Variants in SGCG observed in about 807,000 individuals in gnomAD.
SGCG encodes gamma-sarcoglycan.
Under a neutral mutation model 29.3 loss-of-function variants are expected in SGCG, and 26 were observed. That is an observed-to-expected ratio of 0.89 (90% CI 0.65 to 1.23). The LOEUF (loss-of-function observed/expected upper bound fraction) is 1.23, where lower values mean the gene tolerates loss of function less well. Ranked by LOEUF, SGCG falls within the 50% of genes most tolerant of loss-of-function variation. The probability of loss-of-function intolerance (pLI) is 0.00; values close to 1 mark genes in which losing one functional copy is unlikely to be tolerated. For missense variants in SGCG, 353 were observed against 356.0 expected (o/e 0.99, Z 0.07); for synonymous variants, 145 against 129.7 (o/e 1.12, Z -0.80).
upstream of SGCG, among the ~76,000 whole-genome samples, chr13:23,178,577 T>C (rs1057490706): frequency 6.6e-6 from 1 of 152,198 alleles, no homozygotes; most frequent in Non-Finnish European, 1.5e-5. Context: ...TCCATATATT[T>C]ATAACTTCAT....
At chr13:23,180,683 G>T (rs1876698054), upstream of SGCG, among the ~76,000 whole-genome samples, 1 of 152,184 alleles carries the variant, frequency 6.6e-6, no homozygotes, top group African/African-American at 2.4e-5. Context: ...TTTTAAGAAA[G>T]TTATAATTAC....
At chr13:23,278,994 C>T (rs1263050684) in intron 4 of SGCG, among the ~76,000 whole-genome samples, 2 of 152,158 alleles carry the variant, frequency 1.3e-5, no homozygotes, top group South Asian at 2.1e-4. Flanking sequence ...ACAAATCTCA[C>T]ATTTCAGAAT....
intron 2 of SGCG, among the ~76,000 whole-genome samples, chr13:23,221,753 G>A (rs186855913): frequency 3.3e-5 from 5 of 152,278 alleles, no homozygotes; most frequent in Admixed American, 2.0e-4. Flanking sequence ...GATGATTTGA[G>A]GATGCTGTAT....
At chr13:23,270,321 A>G (rs756609698) in intron 4 of SGCG, among the ~76,000 whole-genome samples, 1 of 152,192 alleles carries the variant, frequency 6.6e-6, no homozygotes, top group Non-Finnish European at 1.5e-5. Context: ...GTAGGAGAGT[A>G]TATTTTCTGA....
chr13:23,234,014 G>A (rs1016374747), intron 2 of SGCG, among the ~76,000 whole-genome samples: 6 of 152,198 alleles, frequency 3.9e-5, no homozygotes, highest in African/African-American at 4.8e-5. Context: ...ACAGCACAGC[G>A]GTCATTGGTG....
intron 2 of SGCG, among the ~76,000 whole-genome samples, chr13:23,232,522 C>G (rs1230382522): frequency 6.6e-6 from 1 of 152,090 alleles, no homozygotes. Context: ...TGGTTGAATT[C>G]AGATGCTTTT....
chr13:23,319,790 A>T (rs905724386), intron 6 of SGCG, among the ~76,000 whole-genome samples: 1 of 152,188 alleles, frequency 6.6e-6, no homozygotes, highest in Non-Finnish European at 1.5e-5. Context: ...GGGGCTGAGC[A>T]GCTGAAAAGT....
intron 2 of SGCG, among the ~76,000 whole-genome samples, chr13:23,205,077 A>T (rs1248765313): frequency 6.6e-6 from 1 of 151,978 alleles, no homozygotes; most frequent in East Asian, 1.9e-4. Context: ...TAAGCTGTTA[A>T]ATTACATATA....
chr13:23,298,376 T>G (rs914542343), intron 6 of SGCG, among the ~76,000 whole-genome samples: 1 of 151,938 alleles, frequency 6.6e-6, no homozygotes, highest in Non-Finnish European at 1.5e-5. Context: ...GAAAAAAAAA[T>G]TGTTATTATA....
At chr13:23,210,417 C>G (rs554842168) in intron 2 of SGCG, among the ~76,000 whole-genome samples, 1 of 151,968 alleles carries the variant, frequency 6.6e-6, no homozygotes, top group Admixed American at 6.6e-5. Context: ...CACGGCTGGG[C>G]GCGGTGGCTC....
chr13:23,299,077 T>G (rs1882017657), intron 6 of SGCG, among the ~76,000 whole-genome samples: 1 of 152,096 alleles, frequency 6.6e-6, no homozygotes, highest in Non-Finnish European at 1.5e-5. Flanking sequence ...ATTGGCAATT[T>G]TATCCCCATT....
intron 7 of SGCG, among the ~76,000 whole-genome samples, chr13:23,323,139 G>A (rs1011754842): frequency 6.6e-6 from 1 of 151,926 alleles, no homozygotes; most frequent in Non-Finnish European, 1.5e-5. Flanking sequence ...CAGCCTGCTA[G>A]TGGAACACAG....
In SGCG at chr13:23,217,224, A is replaced by G. The variant is rs537723356; in HGVS notation, c.195+13335A>G. Among the ~76,000 whole-genome samples, 4 of 152,134 alleles carry G rather than the reference A, an allele frequency of 2.6e-5. No homozygotes were observed. In the South Asian group the frequency reaches 8.3e-4, roughly 32 times the overall value. ...CTATGTTTCCTATTAGTTATTATGC[A>G]TTTGTTATCATACTATAAGCTCTTA... On this transcript the variant is annotated intron_variant, in intron 2 of 7. Coordinates refer to ENST00000218867, the MANE Select transcript of SGCG (RefSeq NM_000231.3).
intron 6 of SGCG, among the ~76,000 whole-genome samples, chr13:23,301,343 A>G (rs1393146401): frequency 6.6e-6 from 1 of 152,216 alleles, no homozygotes; most frequent in East Asian, 1.9e-4. Flanking sequence ...AAATAACAAA[A>G]TAGAAATTAT....
intron 7 of SGCG, among the ~76,000 whole-genome samples, 154 bp from the exon 8 acceptor site, chr13:23,324,214 T>C (rs1187109279): frequency 1.3e-5 from 2 of 152,202 alleles, no homozygotes; most frequent in African/African-American, 4.8e-5. Context: ...TTTAAAAGAA[T>C]CGGATAATTA....
upstream of SGCG, among the ~76,000 whole-genome samples, chr13:23,177,972 T>G (rs150940995): frequency 8.8e-4 from 134 of 152,176 alleles, 1 homozygote; most frequent in African/African-American, 3.2e-3. Flanking sequence ...CCAAGGGCAT[T>G]GTCACTTTTG....
chr13:23,244,181 A>G (rs1343823124), intron 3 of SGCG: 3 of 152,192 alleles, frequency 2.0e-5, no homozygotes, highest in Admixed American at 2.0e-4. Flanking sequence ...CTAAAACAAC[A>G]CCACCGTATC....
Position 23,315,727 on chromosome 13 carries a change from A to G in SGCG, c.579-4910A>G, listed in dbSNP as rs1882781647. Among the ~76,000 whole-genome samples the G allele has an allele frequency of 1.3e-5, 2 of 152,194 alleles. 1 individual carries two copies. The highest frequency in any genetic ancestry group is 1.3e-4 in the Admixed American group (2 of 15,288). On this transcript the variant is annotated intron_variant, in intron 6 of 7. Transcript: ENST00000218867. ...GAAATGGCCAGATATGCAATTATAT[A>G]CTGATTCATGGGCTGTAGCCAATGG...
intron 3 of SGCG, among the ~76,000 whole-genome samples, chr13:23,247,371 G>A (rs940478034): frequency 1.3e-5 from 2 of 152,150 alleles, no homozygotes; most frequent in African/African-American, 4.8e-5. Flanking sequence ...CTGGCTGGTA[G>A]GGTGGGGTAC....
Sources: allele counts gnomAD v4.1 joint callset (sites outside exome capture counted in the v4.1 genomes callset), GRCh38; gene constraint gnomAD v4.1.1; transcripts MANE v1.5; gene names NCBI Gene and HGNC (gene_info 2026-07-23, HGNC 2026-07-21).